The following CEP78 variants were observed in gnomAD, a reference collection of about 807,000 sequenced individuals.
CEP78 encodes centrosomal protein of 78 kDa.
In CEP78, 76 loss-of-function variants were observed where a neutral mutation model predicts 81.2. That is an observed-to-expected ratio of 0.94 (90% confidence interval 0.78 to 1.13). CEP78 has a LOEUF of 1.13. Ranked by LOEUF, CEP78 falls within the 50% of genes most tolerant of loss-of-function variation. CEP78 has a pLI of 0.00. For synonymous variants in CEP78, 293 were observed against 301.4 expected (o/e 0.97, Z 0.29); for missense variants, 918 against 846.8 (o/e 1.08, Z -1.04).
Position 78,236,254 on chromosome 9 carries a change from C to A in CEP78, c.-97C>A. 1 of 1,086,152 alleles carries A rather than the reference C, an allele frequency of 9.2e-7. No homozygotes were observed. Among genetic ancestry groups the A allele is most frequent in the South Asian group, 1.6e-5 (1 of 64,178 alleles). The allele number at this position is 1,086,152 out of a possible 1,614,324, so 67.3% of individuals were successfully genotyped here. On this transcript the variant is annotated 5_prime_UTR_variant, in exon 1 of 17. Transcript: ENST00000643273. The stretch of plus-strand genomic sequence containing the variant: ...GTGCGGGGCTGCCGCTATCGCCTGG[C>A]CGTGGGTGCCGGAGCGGCCGGGTTG...
intron 16 of CEP78, among the ~76,000 whole-genome samples, chr9:78,269,536 AAG>A (rs1486564330): frequency 6.6e-6 from 1 of 152,228 alleles, no homozygotes. Context: ...TAAGCAAAGA[AAG>A]GATTCTGAGA....
Position 78,266,458 on chromosome 9 carries a change from G to A in CEP78, c.1862G>A (p.Gly621Asp), listed in dbSNP as rs1305113243. The change falls in exon 16 of 17, where the codon GGT becomes GAT. Residue 621 changes from glycine (G) to aspartate (D), a missense_variant. By Grantham distance (94) the Gly-to-Asp change is moderately conservative (BLOSUM62 -1). Transcript: ENST00000643273. ...TCCTTCTAGTTTCAGAAAATTACAG[G>A]TGATGCTAGAATTCCTTTGCCTCTC... is the stretch of plus-strand genomic sequence containing the variant. The part of the protein sequence containing the change: ...GTLMKFQKIT[G>D]DARIPLPLDS... The A allele has an allele frequency of 1.3e-6, 2 of 1,599,328 alleles. No individual in the cohort carries two copies. Among genetic ancestry groups the A allele is most frequent in the Non-Finnish European group, 1.7e-6 (2 of 1,171,138 alleles).
chr9:78,266,387 T>C (rs1242605710), intron 15 of CEP78, 55 bp from the exon 16 acceptor site: 6 of 1,372,352 alleles, frequency 4.4e-6, no homozygotes, highest in Non-Finnish European at 6.0e-6. Context: ...TGAACTCGAT[T>C]TTTAAATGGA....
At chr9:78,245,470 C>G (rs59582305) in intron 5 of CEP78, among the ~76,000 whole-genome samples, 3,606 of 152,222 alleles carry the variant, frequency 0.024, 126 homozygotes, top group African/African-American at 0.081. Context: ...ACCTAATTAC[C>G]TCTCAAAGGC....
intron 8 of CEP78, among the ~76,000 whole-genome samples, chr9:78,251,703 A>T (rs1244370749): frequency 6.6e-6 from 1 of 150,986 alleles, no homozygotes; most frequent in African/African-American, 2.4e-5. Context: ...TTTATTACTT[A>T]TATTTAAGTA....
chr9:78,251,961 G>A lies in CEP78; in HGVS notation c.1123G>A (p.Glu375Lys), dbSNP rs1451630903. The A allele has an allele frequency of 2.3e-5, 37 of 1,609,102 alleles. No individual in the cohort carries two copies. Among genetic ancestry groups the A allele is most frequent in the Non-Finnish European group, 2.9e-5 (34 of 1,176,752 alleles). ...TGGCAGAAAACACTCCCTTGGTAAA[G>A]AATATTATGCGCCCGCACCTCTTCC... ...SSGRKHSLGK[E>K]YYAPAPLPPG... is the part of the protein sequence containing the mutation. Residue 375 changes from glutamate to lysine, a missense_variant, in exon 9 of 17, where the codon GAA becomes AAA. By Grantham distance (56) the Glu-to-Lys change is moderately conservative. Transcript: ENST00000643273.
chr9:78,266,325 G>C, intron 15 of CEP78, 117 bp from the exon 16 acceptor site: 1 of 765,404 alleles, frequency 1.3e-6, no homozygotes, highest in African/African-American at 1.7e-5. Context: ...GATATAATTA[G>C]GGCAAAAATG....
chr9:78,236,419 C>A lies in CEP78; in HGVS notation c.69C>A (p.Cys23Ter). 6 of 1,600,212 alleles carry A rather than the reference C, an allele frequency of 3.7e-6. No homozygotes were observed. Among genetic ancestry groups the A allele is most frequent in the Non-Finnish European group, 5.1e-6 (6 of 1,173,872 alleles). ...TCTTCTCCCACTACGAGTACCTGTG[C>A]GCGCTGCAGAACTCGGTGCCGCTGC... ...ADFFSHYEYLCALQNSVPLPA... is the reference protein window; with the variant it reads ...ADFFSHYEYL The change falls in exon 1 of 17, where the codon TGC becomes TGA. Residue 23 changes from cysteine (C) to a stop codon, truncating the protein, a stop_gained. Transcript: ENST00000643273. LOFTEE classifies it high-confidence loss of function.
chr9:78,253,096 C>A, intron 9 of CEP78, 136 bp from the exon 10 acceptor site: 1 of 584,006 alleles, frequency 1.7e-6, no homozygotes, highest in Non-Finnish European at 3.1e-6. Flanking sequence ...TTTCCAGGCC[C>A]TTATTTGGAA....
rs369045674 is a variant in CEP78, at chr9:78,278,870, A to T, written c.*8019A>T. ...TGAAAACCTGAGTTTTCAAACTGAT[A>T]CATCTACCTGAGAATTTTCACATAT... is the stretch of plus-strand genomic sequence containing the variant. On this transcript the variant is annotated 3_prime_UTR_variant, in exon 17 of 17. Coordinates refer to ENST00000643273, the MANE Select transcript of CEP78 (RefSeq NM_001330691.3). 6.6e-6 allele frequency: 1 copy of T among 152,192 alleles called. No individual in the cohort carries two copies. The highest frequency in any genetic ancestry group is 1.9e-4 in the East Asian group (1 of 5,206). 9.4% of individuals were successfully genotyped at this position (152,192 alleles called of 1,614,324 possible). A position where few individuals can be genotyped will look rare whatever the true frequency, so the allele number is the denominator to read the frequency against.
chr9:78,266,972 A>G (rs947306289), intron 16 of CEP78: 39 of 1,401,636 alleles, frequency 2.8e-5, no homozygotes, highest in Non-Finnish European at 3.5e-5. Context: ...TTGAATTTCA[A>G]GAAAGCATCC....
In CEP78 at chr9:78,246,669, C is replaced by T. The variant is rs1417624156; in HGVS notation, c.779C>T (p.Ala260Val). ...GTGACCCTTTGTCTTTCATCGAAAG[C>T]TCTTGACCTGCAACAGTGCGGCCTC... is the stretch of plus-strand genomic sequence containing the variant. ...DSLSEDLWLRALDLQQCGLTN... is the reference protein window; with the variant it reads ...DSLSEDLWLRVLDLQQCGLTN... Residue 260 changes from alanine (A) to valine (V), a missense_variant and splice_region_variant, in exon 6 of 17, where the codon GCT becomes GTT. Ala to Val is a moderately conservative substitution (Grantham distance 64). Coordinates refer to ENST00000643273, the MANE Select transcript of CEP78 (RefSeq NM_001330691.3). The T allele has an allele frequency of 1.3e-6, 2 of 1,582,990 alleles. No individual in the cohort carries two copies.
rs1342527001 is a variant in CEP78 at position 78,248,845 on chromosome 9, T to C, written c.1041T>C (p.Gly347=). ...QKRRTIILGS[G]HKGKATIRIG... is the part of the protein sequence containing the mutation. ...GGAGAACTATAATTCTAGGAAGTGGTCACAAAGGAAAAGCTACTATTAGAA... is the reference window on the plus strand; with the variant it reads ...GGAGAACTATAATTCTAGGAAGTGGCCACAAAGGAAAAGCTACTATTAGAA... Residue 347 remains glycine (G), a synonymous_variant, in exon 8 of 17, where the codon GGT becomes GGC. Transcript: ENST00000643273. 1.9e-6 allele frequency: 3 copies of C among 1,592,850 alleles called. No homozygotes were observed. The East Asian group carries it at 6.7e-5, about 36-fold the overall frequency.
chr9:78,255,611 T>C (rs547124501), intron 11 of CEP78, among the ~76,000 whole-genome samples: 1 of 152,258 alleles, frequency 6.6e-6, no homozygotes, highest in South Asian at 2.1e-4. Flanking sequence ...TGGAAATCAC[T>C]TTTTGATTTT....
chr9:78,264,412 A>G (rs1274804348), intron 13 of CEP78, 96 bp downstream of exon 13: 6 of 927,704 alleles, frequency 6.5e-6, no homozygotes, highest in Non-Finnish European at 9.9e-6. Flanking sequence ...CTGAAGTCAT[A>G]TTTACTGTGT....
At chr9:78,250,456 C>T (rs1352593745) in intron 8 of CEP78, 9 of 340,502 alleles carry the variant, frequency 2.6e-5, no homozygotes, top group African/African-American at 4.2e-5. Flanking sequence ...TTTATATTTG[C>T]GGCCGGGCAC....
At chr9:78,243,358 G>GGT (rs1334276338) in intron 4 of CEP78, 104 bp from the exon 5 acceptor site, 19 of 900,670 alleles carry the variant, frequency 2.1e-5, no homozygotes, top group African/African-American at 1.4e-4. Context: ...ATATGTACCT[G>GGT]GTGTGTGTGT....
chr9:78,266,678 T>A lies in CEP78; in HGVS notation c.2082T>A (p.Ser694=), dbSNP rs1446427632. Residue 694 remains serine, a synonymous_variant, in exon 16 of 17, where the codon TCT becomes TCA. Transcript: ENST00000643273. ...KEEELSRNSR[S]SSEKKTKTES... is the part of the protein sequence containing the mutation. ...AGGAGTTGTCCAGAAATAGCAGATC[T>A]TCTTCAGAGAAAAAGACCAAAACAG... 1 of 1,612,102 alleles carries A rather than the reference T, an allele frequency of 6.2e-7. No individual in the cohort carries two copies. Among genetic ancestry groups the A allele is most frequent in the Non-Finnish European group, 8.5e-7 (1 of 1,179,064 alleles).
chr9:78,266,743 G>C (rs180973636), intron 16 of CEP78, 40 bp downstream of exon 16: 1 of 1,608,086 alleles, frequency 6.2e-7, no homozygotes, highest in African/African-American at 1.3e-5. Context: ...CAACACCCTG[G>C]AAAGGACCTG....
Sources: allele counts gnomAD v4.1 joint callset (sites outside exome capture counted in the v4.1 genomes callset), GRCh38; gene constraint gnomAD v4.1.1; transcripts MANE v1.5; gene names NCBI Gene and HGNC (gene_info 2026-07-23, HGNC 2026-07-21).